PARD3B: variants seen among roughly 807,000 people sequenced by gnomAD.
PARD3B encodes partitioning defective 3 homolog B.
A neutral mutation model predicts 130.2 loss-of-function variants in PARD3B; 103 were observed. The ratio of observed to expected loss-of-function variants is 0.79; its 90% CI spans 0.67 to 0.93. The LOEUF is 0.93. Among genes scored for constraint, PARD3B ranks in the 40% least tolerant of loss-of-function variants. The pLI, the probability that PARD3B is intolerant of heterozygous loss-of-function variation, is 0.00. For synonymous variants in PARD3B, 583 were observed against 553.2 expected, an observed-to-expected ratio of 1.05 and a Z score of -0.76; for missense variants, 1,609 against 1,499.2, an observed-to-expected ratio of 1.07 and a Z score of -1.21.
At chr2:205,381,452 A>C (rs927075963) in intron 18 of PARD3B, among the ~76,000 whole-genome samples, 1 of 151,500 alleles carries the variant, frequency 6.6e-6, no homozygotes, top group Non-Finnish European at 1.5e-5. Flanking sequence ...GCTGTGTTCA[A>C]AGTAGATAAT....
At chr2:205,150,255 A>ACG (rs1478478338) in intron 10 of PARD3B, among the ~76,000 whole-genome samples, 46 of 142,340 alleles carry the variant, frequency 3.2e-4, no homozygotes, top group African/African-American at 8.4e-4. Context: ...GTGTGTGTGC[A>ACG]CACACGCTTG....
chr2:205,148,877 T>C (rs1237385783), intron 10 of PARD3B, among the ~76,000 whole-genome samples: 1 of 152,180 alleles, frequency 6.6e-6, no homozygotes, highest in Non-Finnish European at 1.5e-5. Flanking sequence ...CAGAGGTTGC[T>C]CGTGCTGAGC....
At position 205,011,863 on chromosome 2, in the gene PARD3B, A is replaced by T. The variant is rs1307503152; in HGVS notation, c.395-35718A>T. 6.6e-6 allele frequency among the ~76,000 whole-genome samples: 1 copy of T among 151,966 alleles called. No homozygotes were observed. Among genetic ancestry groups the T allele is most frequent in the Non-Finnish European group, 1.5e-5 (1 of 68,002 alleles). ...TTATGCCTGGCATCATTTAGATCAG[A>T]ATTGGTCAGCCTACCCAGAAAATGC... On this transcript the variant is annotated intron_variant, in intron 3 of 22. Coordinates refer to ENST00000406610, the MANE Select transcript of PARD3B (RefSeq NM_001302769.2). This position sits in a 1 kb window ranked among gnomAD's most constrained non-coding sequence, Gnocchi z 4.1.
intron 2 of PARD3B, among the ~76,000 whole-genome samples, chr2:204,923,648 A>G (rs79634408): frequency 0.024 from 3,676 of 152,170 alleles, 140 homozygotes; most frequent in African/African-American, 0.08. Flanking sequence ...AAAGATTGAG[A>G]AATACTGGGA....
chr2:205,092,009 A>C (rs1431620321), intron 4 of PARD3B, among the ~76,000 whole-genome samples: 1 of 152,006 alleles, frequency 6.6e-6, no homozygotes, highest in East Asian at 1.9e-4. Context: ...TTACCCAAAA[A>C]CCTTTCCCTT....
chr2:204,944,998 C>G (rs936148962), intron 2 of PARD3B, among the ~76,000 whole-genome samples: 1 of 152,198 alleles, frequency 6.6e-6, no homozygotes, highest in African/African-American at 2.4e-5. Context: ...TGGGAATATC[C>G]TGGGATGGGG....
Position 205,105,005 on chromosome 2 carries a change from G to C in PARD3B, c.593+491G>C, listed in dbSNP as rs977813421. The stretch of plus-strand genomic sequence containing the variant: ...CAGGGTTTTTCATGTTCTTAATGAA[G>C]GCAACTCATTTGCTGTCAGTGGCTG... On this transcript the variant is annotated intron_variant, in intron 5 of 22. Coordinates refer to ENST00000406610, the MANE Select transcript of PARD3B (RefSeq NM_001302769.2). This position sits in a 1 kb window ranked among gnomAD's most constrained non-coding sequence, Gnocchi z 4.0. Among the ~76,000 whole-genome samples, 1 of 152,130 alleles carries C rather than the reference G, an allele frequency of 6.6e-6. No homozygotes were observed. Among genetic ancestry groups the C allele is most frequent in the Non-Finnish European group, 1.5e-5 (1 of 68,020 alleles).
intron 1 of PARD3B, among the ~76,000 whole-genome samples, chr2:204,565,370 A>C (rs1000078163): frequency 3.9e-5 from 6 of 152,216 alleles, no homozygotes; most frequent in Admixed American, 3.9e-4. Flanking sequence ...CAACCAATGA[A>C]ATATTCATAC....
chr2:205,245,939 C>T lies in PARD3B; in HGVS notation c.2185+117C>T, dbSNP rs368523026. ...TCACTGAAAGGCTTTCTAATTAATA[C>T]ATGAGATGTCTCTGACTTCCACAAA... On this transcript the variant is annotated intron_variant, in intron 16 of 22. Coordinates refer to ENST00000406610, the MANE Select transcript of PARD3B (RefSeq NM_001302769.2). 163 of 791,570 alleles carry T rather than the reference C, an allele frequency of 2.1e-4. 1 individual carries two copies. In the African/African-American group the frequency reaches 2.2e-3, roughly 11 times the overall value. The allele number at this position is 791,570 out of a possible 1,614,324, so 49.0% of individuals were successfully genotyped here.
intron 1 of PARD3B, among the ~76,000 whole-genome samples, chr2:204,597,621 T>C (rs2033353133): frequency 6.6e-6 from 1 of 152,222 alleles, no homozygotes; most frequent in Admixed American, 6.5e-5. Context: ...AAGTAAATGC[T>C]CTTAAGTGGG....
intron 22 of PARD3B, among the ~76,000 whole-genome samples, chr2:205,581,398 T>A (rs200500837): frequency 8.9e-4 from 21 of 23,518 alleles, no homozygotes; most frequent in East Asian, 4.7e-3. Flanking sequence ...TATATATAAA[T>A]ATATATATAA....
At chr2:204,844,949 C>T (rs956474452) in intron 2 of PARD3B, among the ~76,000 whole-genome samples, 7 of 152,070 alleles carry the variant, frequency 4.6e-5, no homozygotes, top group African/African-American at 1.7e-4. Context: ...TCTCCTCCCC[C>T]ACTGGGCCAC....
intron 1 of PARD3B, among the ~76,000 whole-genome samples, chr2:204,661,725 A>C (rs2035814774): frequency 6.6e-6 from 1 of 152,238 alleles, no homozygotes; most frequent in South Asian, 2.1e-4. Flanking sequence ...CATGTTGATG[A>C]AATAATATAT....
chr2:205,537,190 A>T (rs566315755), intron 21 of PARD3B, among the ~76,000 whole-genome samples: 1 of 152,260 alleles, frequency 6.6e-6, no homozygotes, highest in African/African-American at 2.4e-5. Context: ...GTACTAGATA[A>T]TAAATAGGTG....
At chr2:205,200,501 T>C (rs1248833063) in intron 15 of PARD3B, among the ~76,000 whole-genome samples, 1 of 152,146 alleles carries the variant, frequency 6.6e-6, no homozygotes, top group African/African-American at 2.4e-5. Context: ...TCTTAGAGAA[T>C]TGGGTGATAG....
At position 205,015,459 on chromosome 2, in the gene PARD3B, C is replaced by G. The variant is rs1325328350; in HGVS notation, c.395-32122C>G. ...ACTGACATGTTTACATGTATTTCTC[C>G]TTGGCAAGATGCAGACCGAGTTCCT... is the stretch of plus-strand genomic sequence containing the variant. On this transcript the variant is annotated intron_variant, in intron 3 of 22. Coordinates refer to ENST00000406610, the MANE Select transcript of PARD3B (RefSeq NM_001302769.2). The surrounding 1 kb of genome is among the most constrained non-coding windows in gnomAD (Gnocchi z 4.5). Among the ~76,000 whole-genome samples, 1 of 152,116 alleles carries G rather than the reference C, an allele frequency of 6.6e-6. No individual in the cohort carries two copies. Among genetic ancestry groups the G allele is most frequent in the Non-Finnish European group, 1.5e-5 (1 of 68,026 alleles).
At chr2:205,334,751 A>C (rs1267642001) in intron 18 of PARD3B, among the ~76,000 whole-genome samples, 2 of 152,214 alleles carry the variant, frequency 1.3e-5, no homozygotes, top group African/African-American at 4.8e-5. Context: ...TGATGTAAGA[A>C]AGTTTTGCTT....
rs943163985 is a variant in PARD3B, at chr2:204,964,616, C to A, written c.223-536C>A. 5.9e-5 allele frequency among the ~76,000 whole-genome samples: 9 copies of A among 152,170 alleles called. No homozygotes were observed. The East Asian group carries it at 1.7e-3, about 29-fold the overall frequency. On this transcript the variant is annotated intron_variant, in intron 2 of 22. Transcript: ENST00000406610. The stretch of plus-strand genomic sequence containing the variant: ...AATGGGATACCTATTTATGCAAGAT[C>A]AGCACAAATTGTATATAAGTATTCA...
chr2:205,197,731 C>T, intron 15 of PARD3B, among the ~76,000 whole-genome samples: 1 of 152,188 alleles, frequency 6.6e-6, no homozygotes, highest in East Asian at 1.9e-4. Flanking sequence ...AGAGTGGATA[C>T]TTCTGGGTTT....
Sources: gnomAD v4.1 joint callset for allele counts (sites outside exome capture counted in the v4.1 genomes callset) on GRCh38, gnomAD v4.1.1 for gene constraint, Gnocchi (gnomAD v3.1) non-coding constraint, MANE v1.5 for transcripts, NCBI Gene and HGNC (gene_info 2026-07-23, HGNC 2026-07-21) for gene names.